DPYD: variants seen among roughly 807,000 people sequenced by gnomAD.
The protein encoded by DPYD is dihydropyrimidine dehydrogenase.
A neutral mutation model predicts 116.2 loss-of-function variants in DPYD; 109 were observed. The ratio of observed to expected loss-of-function variants is 0.94; its 90% CI spans 0.80 to 1.10. The LOEUF is 1.10. DPYD is among the 50% of genes least tolerant of loss of function. The pLI is 0.00. For synonymous variants in DPYD, 440 were observed against 432.0 expected (o/e 1.02, Z -0.23); for missense variants, 1,302 against 1,254.5 (o/e 1.04, Z -0.57).
intron 2 of DPYD, among the ~76,000 whole-genome samples, chr1:97,871,982 T>C (rs1368419229): frequency 1.3e-5 from 2 of 151,888 alleles, no homozygotes; most frequent in African/African-American, 4.8e-5. Flanking sequence ...CAGGTAGATA[T>C]TATTCTCTTA....
intron 16 of DPYD, among the ~76,000 whole-genome samples, chr1:97,362,200 C>T (rs1670768966): frequency 1.3e-5 from 2 of 152,212 alleles, no homozygotes; most frequent in African/African-American, 4.8e-5. Flanking sequence ...AACTCCCATT[C>T]ACGATTGCTA....
intron 20 of DPYD, among the ~76,000 whole-genome samples, chr1:97,168,303 C>G (rs1656468785): frequency 6.6e-6 from 1 of 152,178 alleles, no homozygotes; most frequent in African/African-American, 2.4e-5. Context: ...GGCAGCAGCT[C>G]TTCACTCTAT....
intron 20 of DPYD, among the ~76,000 whole-genome samples, chr1:97,150,198 C>G (rs1654916111): frequency 6.6e-6 from 1 of 152,028 alleles, no homozygotes; most frequent in Non-Finnish European, 1.5e-5. Context: ...ATTAAAGTAG[C>G]TCCACATTCT....
At chr1:97,838,420 T>C (rs919295564) in intron 2 of DPYD, among the ~76,000 whole-genome samples, 3 of 152,228 alleles carry the variant, frequency 2.0e-5, no homozygotes, top group Admixed American at 6.5e-5. Flanking sequence ...TCACGGAAAC[T>C]ATTTTGGAAA....
intron 5 of DPYD, among the ~76,000 whole-genome samples, chr1:97,716,239 C>T (rs1018287940): frequency 4.0e-5 from 6 of 151,758 alleles, no homozygotes; most frequent in Non-Finnish European, 7.4e-5. Flanking sequence ...GTTTACAGTC[C>T]CTTGGAATAT....
chr1:97,568,453 T>C (rs1247152362), intron 11 of DPYD, among the ~76,000 whole-genome samples: 1 of 152,042 alleles, frequency 6.6e-6, no homozygotes, highest in Non-Finnish European at 1.5e-5. Context: ...GTCATCCCCC[T>C]TACAGCATGA....
At chr1:97,824,850 T>C (rs1669153636) in intron 3 of DPYD, among the ~76,000 whole-genome samples, 1 of 152,210 alleles carries the variant, frequency 6.6e-6, no homozygotes, top group South Asian at 2.1e-4. Context: ...AATGCACTAT[T>C]CTTGGAAATC....
At chr1:97,103,118 T>C (rs761802571) in intron 20 of DPYD, among the ~76,000 whole-genome samples, 32 of 152,088 alleles carry the variant, frequency 2.1e-4, no homozygotes, top group Middle Eastern at 3.2e-3. Flanking sequence ...GTAAAGTTCC[T>C]AACTCACCCT....
chr1:97,306,399 A>G, intron 16 of DPYD, 102 bp from the exon 17 acceptor site: 2 of 1,440,218 alleles, frequency 1.4e-6, no homozygotes, highest in Non-Finnish European at 1.9e-6. Flanking sequence ...GACAAATCCA[A>G]CTTGACAATG....
chr1:97,180,148 A>AAG (rs2101796879), intron 20 of DPYD, among the ~76,000 whole-genome samples: 1 of 151,634 alleles, frequency 6.6e-6, no homozygotes, highest in South Asian at 2.1e-4. Context: ...TCCCCCTTTT[A>AAG]TTATTCCAAA....
At chr1:97,666,102 T>G (rs1348698657) in intron 8 of DPYD, among the ~76,000 whole-genome samples, 1 of 152,346 alleles carries the variant, frequency 6.6e-6, no homozygotes, top group African/African-American at 2.4e-5. Context: ...GTTTAAGATA[T>G]ACTTTCAGAA....
chr1:97,191,208 A>T (rs942680621), intron 20 of DPYD, among the ~76,000 whole-genome samples: 1 of 151,958 alleles, frequency 6.6e-6, no homozygotes, highest in African/African-American at 2.4e-5. Flanking sequence ...TAAAAAGAAA[A>T]ATAAAAAAAT....
At chr1:97,407,414 A>G (rs529762140) in intron 14 of DPYD, among the ~76,000 whole-genome samples, 1 of 152,274 alleles carries the variant, frequency 6.6e-6, no homozygotes, top group Non-Finnish European at 1.5e-5. Context: ...TGTTTAATGC[A>G]TGTTCAATTA....
intron 18 of DPYD, among the ~76,000 whole-genome samples, chr1:97,252,106 T>C (rs1663141927): frequency 6.6e-6 from 1 of 152,194 alleles, no homozygotes; most frequent in Admixed American, 6.5e-5. Context: ...ATTTGGCTCA[T>C]AGTTATGTCA....
At chr1:97,173,252 A>G (rs897577080) in intron 20 of DPYD, among the ~76,000 whole-genome samples, 2 of 148,276 alleles carry the variant, frequency 1.3e-5, no homozygotes, top group Non-Finnish European at 3.0e-5. Flanking sequence ...ATATGTACAT[A>G]TATGCACACA....
intron 20 of DPYD, among the ~76,000 whole-genome samples, chr1:97,155,068 G>A (rs1373463399): frequency 6.6e-6 from 1 of 152,178 alleles, no homozygotes; most frequent in Non-Finnish European, 1.5e-5. Context: ...AGACCCGGTG[G>A]TGGGGTGAGG....
At chr1:97,197,791 G>A (rs1159803432) in intron 19 of DPYD, among the ~76,000 whole-genome samples, 1 of 152,102 alleles carries the variant, frequency 6.6e-6, no homozygotes. Flanking sequence ...GAGCTATACT[G>A]AGAATGTGAA....
At chr1:97,631,275 T>C (rs950269082) in intron 8 of DPYD, among the ~76,000 whole-genome samples, 2 of 152,104 alleles carry the variant, frequency 1.3e-5, no homozygotes, top group Non-Finnish European at 2.9e-5. Context: ...TCTCTCTGAC[T>C]AGCAAAATTG....
intron 18 of DPYD, among the ~76,000 whole-genome samples, chr1:97,274,762 G>A (rs555325873): frequency 5.9e-5 from 9 of 152,242 alleles, no homozygotes; most frequent in Non-Finnish European, 1.0e-4. Flanking sequence ...ACAGGAAGTT[G>A]CTCCAGGTTG....
Sources: gnomAD v4.1 joint callset for allele counts (sites outside exome capture counted in the v4.1 genomes callset) on GRCh38, gnomAD v4.1.1 for gene constraint, MANE v1.5 for transcripts, NCBI Gene and HGNC (gene_info 2026-07-23, HGNC 2026-07-21) for gene names.